The following KIFC3 variants were observed in gnomAD, a reference collection of about 807,000 sequenced individuals.
The protein encoded by KIFC3 is kinesin family member C3.
A neutral mutation model predicts 101.8 loss-of-function variants in KIFC3; 60 were observed. The observed-to-expected ratio is 0.59, with a 90% confidence interval of 0.48 to 0.73. KIFC3 has a LOEUF of 0.73. Among genes scored for constraint, KIFC3 ranks in the 30% least tolerant of loss-of-function variants. The pLI, the probability that KIFC3 is intolerant of heterozygous loss-of-function variation, is 0.00. For synonymous variants in KIFC3, 476 were observed against 482.7 expected (o/e 0.99, Z 0.18); for missense variants, 966 against 1,137.1 (o/e 0.85, Z 2.16).
intron 1 of KIFC3, among the ~76,000 whole-genome samples, chr16:57,835,078 CCTT>C (rs1389923938): frequency 1.3e-5 from 2 of 152,186 alleles, no homozygotes; most frequent in Non-Finnish European, 2.9e-5. Context: ...GCAGGCCCCT[CCTT>C]CTGTGAGTAA....
chr16:57,799,647 G>A (rs141749821), intron 1 of KIFC3, among the ~76,000 whole-genome samples: 15 of 152,280 alleles, frequency 9.9e-5, no homozygotes, highest in Admixed American at 6.5e-5. Context: ...CACAGACTCA[G>A]AGCTAAACAG....
At chr16:57,809,337 C>G (rs2055012827) in intron 1 of KIFC3, among the ~76,000 whole-genome samples, 1 of 152,076 alleles carries the variant, frequency 6.6e-6, no homozygotes, top group South Asian at 2.1e-4. Context: ...GCTCTCTCAC[C>G]CAGGCTGGAG....
chr16:57,807,954 A>C (rs971221754), upstream of KIFC3: 6 of 118,334 alleles, frequency 5.1e-5, no homozygotes, highest in East Asian at 4.7e-4. Context: ...AAAAAAAAAA[A>C]AAAAACCTTC....
At chr16:57,789,563 T>C (rs1404250104) in intron 3 of KIFC3, among the ~76,000 whole-genome samples, 1 of 152,120 alleles carries the variant, frequency 6.6e-6, no homozygotes, top group African/African-American at 2.4e-5. Flanking sequence ...GTGTAGTGGC[T>C]GAGAGTAGAA....
At chr16:57,795,897 T>TTG (rs1555622713) in intron 2 of KIFC3, among the ~76,000 whole-genome samples, 15 of 144,124 alleles carry the variant, frequency 1.0e-4, no homozygotes, top group Non-Finnish European at 7.6e-5. Flanking sequence ...TTTTTTTTTT[T>TTG]TTTTTTTTTT....
intron 3 of KIFC3, among the ~76,000 whole-genome samples, chr16:57,784,505 A>G (rs1555616564): frequency 1.3e-5 from 2 of 152,264 alleles, no homozygotes; most frequent in Non-Finnish European, 1.5e-5. Context: ...AACAAGTCAC[A>G]GCACACATGA....
At chr16:57,760,070 G>A (rs2148826519) in intron 17 of KIFC3, 2 of 647,120 alleles carry the variant, frequency 3.1e-6, no homozygotes, top group East Asian at 2.7e-5. Context: ...CCCACGGCCA[G>A]CTCGTCACCC....
At chr16:57,855,119 C>CTTTTTTT (rs1229988962) in intron 1 of KIFC3, among the ~76,000 whole-genome samples, 2 of 105,066 alleles carry the variant, frequency 1.9e-5, no homozygotes, top group South Asian at 3.3e-4. Context: ...CCATTTCTTT[C>CTTTTTTT]TTTTTTTTTT....
chr16:57,794,089 A>G (rs1354181420), intron 3 of KIFC3, among the ~76,000 whole-genome samples: 1 of 152,212 alleles, frequency 6.6e-6, no homozygotes, highest in Non-Finnish European at 1.5e-5. Flanking sequence ...TGAGATTGTT[A>G]TGAGTATGAT....
intron 1 of KIFC3, among the ~76,000 whole-genome samples, chr16:57,817,701 C>T (rs930192396): frequency 6.6e-6 from 1 of 152,196 alleles, no homozygotes; most frequent in Admixed American, 6.5e-5. Flanking sequence ...CATACCTCTG[C>T]AAAGGCCCAA....
chr16:57,782,868 C>T (rs977080029), intron 3 of KIFC3, among the ~76,000 whole-genome samples: 1 of 152,204 alleles, frequency 6.6e-6, no homozygotes, highest in African/African-American at 2.4e-5. Context: ...ATCGATTGAA[C>T]CTGGGAGGTG....
In KIFC3 at chr16:57,769,481, G is replaced by A. The variant is rs532893780; in HGVS notation, c.1218+114C>T. 26 of 1,339,550 alleles carry A rather than the reference G, an allele frequency of 1.9e-5. No homozygotes were observed. The South Asian group carries it at 3.6e-4, about 19-fold the overall frequency. The allele number at this position is 1,339,550 out of a possible 1,614,324, so 83.0% of individuals were successfully genotyped here. ...TAAGTGTCATGGGGGGTGGGGCAGG[G>A]GCTGCTGTCTGAGCGGCTTTGTCTG... is the stretch of plus-strand genomic sequence containing the variant. On this transcript the variant is annotated intron_variant, in intron 9 of 19. Coordinates refer to ENST00000445690, the MANE Select transcript of KIFC3 (RefSeq NM_001130100.2). This position sits in a 1 kb window ranked among gnomAD's most constrained non-coding sequence, Gnocchi z 4.3.
upstream of KIFC3, among the ~76,000 whole-genome samples, chr16:57,806,761 C>T (rs922321899): frequency 6.6e-6 from 1 of 152,322 alleles, no homozygotes; most frequent in Middle Eastern, 3.4e-3. Flanking sequence ...AAAAGTGTGT[C>T]CTCTCATGCT....
chr16:57,784,979 C>T (rs535899542), intron 3 of KIFC3, among the ~76,000 whole-genome samples: 5 of 152,212 alleles, frequency 3.3e-5, no homozygotes, highest in Non-Finnish European at 2.9e-5. Context: ...CCTTCCCCAA[C>T]ATGCACTCAA....
intron 1 of KIFC3, among the ~76,000 whole-genome samples, chr16:57,856,373 C>T (rs2056167596): frequency 6.7e-6 from 1 of 150,140 alleles, no homozygotes; most frequent in Admixed American, 6.7e-5. Context: ...CCCAGCTATT[C>T]AGGAGGGTGA....
intron 3 of KIFC3, among the ~76,000 whole-genome samples, chr16:57,791,527 C>T (rs2053870653): frequency 6.6e-6 from 1 of 152,200 alleles, no homozygotes. Flanking sequence ...GGTTGCTACA[C>T]TGTGCTTGGG....
chr16:57,789,676 T>G (rs1555619385), intron 3 of KIFC3, among the ~76,000 whole-genome samples: 1 of 152,240 alleles, frequency 6.6e-6, no homozygotes, highest in Non-Finnish European at 1.5e-5. Flanking sequence ...GTTGAACCTC[T>G]TTGGCATTTG....
chr16:57,767,268 C>T (rs575487760), intron 9 of KIFC3, among the ~76,000 whole-genome samples: 4 of 152,346 alleles, frequency 2.6e-5, no homozygotes, highest in African/African-American at 9.6e-5. Context: ...AGCACTAGTG[C>T]TTGACTATGT....
chr16:57,764,275 T>TGGGGGGGGGGTGGGTGGGG, intron 11 of KIFC3, 28 bp from the exon 12 acceptor site: 1 of 539,938 alleles, frequency 1.9e-6, no homozygotes, highest in Non-Finnish European at 3.5e-6. Flanking sequence ...GGGAGGCTGG[T>TGGGGGGGGGGTGGGTGGGG]GGGGGGGCTT....
Sources: gnomAD v4.1 joint callset for allele counts (sites outside exome capture counted in the v4.1 genomes callset) on GRCh38, gnomAD v4.1.1 for gene constraint, Gnocchi (gnomAD v3.1) non-coding constraint, MANE v1.5 for transcripts, NCBI Gene and HGNC (gene_info 2026-07-23, HGNC 2026-07-21) for gene names.